Variants in ZSCAN9 observed in about 807,000 individuals in gnomAD.
The protein encoded by ZSCAN9 is zinc finger and SCAN domain-containing protein 9.
ZSCAN9 carries 19 observed loss-of-function variants against 23.0 expected under a neutral mutation model. The ratio of observed to expected loss-of-function variants is 0.83; its 90% CI spans 0.58 to 1.21. ZSCAN9 has a LOEUF of 1.21. Ranked by LOEUF, ZSCAN9 falls within the 50% of genes most tolerant of loss-of-function variation. ZSCAN9 has a pLI of 0.00. For missense variants in ZSCAN9, 467 were observed against 471.5 expected (o/e 0.99, Z 0.09); for synonymous variants, 155 against 164.8 (o/e 0.94, Z 0.46).
chr6:28,230,258 G>A, intron 3 of ZSCAN9: 4 of 1,296,300 alleles, frequency 3.1e-6, no homozygotes, highest in Non-Finnish European at 4.1e-6. Flanking sequence ...AGTCATGAAA[G>A]TTGTATAAAT....
intron 3 of ZSCAN9, chr6:28,230,411 T>C (rs1245736282): frequency 2.0e-6 from 3 of 1,536,132 alleles, no homozygotes; most frequent in Non-Finnish European, 1.7e-6. Context: ...GACACATTTT[T>C]ATTTTCCAAA....
Position 28,227,735 on chromosome 6 carries a change from G to T in ZSCAN9, c.466G>T (p.Val156Leu). ...ACAAGAAGTCCTCTGTAAAGAGATG[G>T]TGCCTCTAGCAGAGCAGACACCACT... ...HRQEVLCKEM[V>L]PLAEQTPLTL... Residue 156 changes from valine to leucine, a missense_variant, in exon 3 of 4, where the codon GTG becomes TTG. By Grantham distance (32) the Val-to-Leu change is conservative. Coordinates refer to ENST00000252207, the MANE Select transcript of ZSCAN9 (RefSeq NM_006299.5). 1 of 1,610,808 alleles carries T rather than the reference G, an allele frequency of 6.2e-7. No individual in the cohort carries two copies. The highest frequency in any genetic ancestry group is 8.5e-7 in the Non-Finnish European group (1 of 1,179,262).
rs761050462 is a variant in ZSCAN9 at position 28,227,443 on chromosome 6, G to A, written c.359G>A (p.Gly120Glu). 1.9e-6 allele frequency: 3 copies of A among 1,613,652 alleles called. No individual in the cohort carries two copies. The highest frequency in any genetic ancestry group is 2.2e-5 in the South Asian group (2 of 91,012). Residue 120 changes from glycine to glutamate, a missense_variant, in exon 2 of 4, where the codon GGA (glycine) becomes GAA (glutamate). Physicochemically the swap from Gly to Glu is moderately conservative, Grantham distance 98. Transcript: ENST00000252207. ...GTGAGGGAACACTGTCCAGAGAGTG[G>A]AGAAGAGGCTGTGATTTTGCTGGAG... ...GWVREHCPES[G>E]EEAVILLEDL...
rs1760149706 is a variant in ZSCAN9 at position 28,227,420 on chromosome 6, G to T, written c.336G>T (p.Val112=). 2 of 1,614,216 alleles carry T rather than the reference G, an allele frequency of 1.2e-6. No individual in the cohort carries two copies. Among genetic ancestry groups the T allele is most frequent in the African/African-American group, 2.7e-5 (2 of 75,066 alleles). The change falls in exon 2 of 4, where the codon GTG becomes GTT. Residue 112 remains valine (V), a synonymous_variant. Transcript: ENST00000252207. ...SILPKELQGW[V]REHCPESGEE... is the part of the protein sequence containing the mutation. ...TGCCCAAGGAGCTCCAGGGCTGGGT[G>T]AGGGAACACTGTCCAGAGAGTGGAG...
At chr6:28,232,460 C>G (rs1760339026) in intron 3 of ZSCAN9, 102 bp from the exon 4 acceptor site, 1 of 1,504,228 alleles carries the variant, frequency 6.6e-7, no homozygotes. Context: ...CCTTCTGTTT[C>G]TAGCCCACTT....
Position 28,232,794 on chromosome 6 carries a change from A to C in ZSCAN9, c.801A>C (p.Ser267=). The stretch of plus-strand genomic sequence containing the variant: ...GTGGGAAGAGCTTTACTCAGAGCTC[A>C]GGTCTCATTCGACATCAAAGAATTC... ...DECGKSFTQS[S]GLIRHQRIHT... is the part of the protein sequence containing the mutation. Residue 267 remains serine, a synonymous_variant, in exon 4 of 4, where the codon TCA becomes TCC. Coordinates refer to ENST00000252207, the MANE Select transcript of ZSCAN9 (RefSeq NM_006299.5). 6.2e-7 allele frequency: 1 copy of C among 1,614,194 alleles called. No homozygotes were observed. Among genetic ancestry groups the C allele is most frequent in the Non-Finnish European group, 8.5e-7 (1 of 1,179,996 alleles).
intron 3 of ZSCAN9, among the ~76,000 whole-genome samples, chr6:28,229,469 A>T (rs1760220169): frequency 6.6e-6 from 1 of 152,144 alleles, no homozygotes; most frequent in Non-Finnish European, 1.5e-5. Flanking sequence ...AGTGTTTATT[A>T]AGCATCTACT....
Position 28,227,429 on chromosome 6 carries a change from C to T in ZSCAN9, c.345C>T (p.His115=). 6.2e-7 allele frequency: 1 copy of T among 1,614,136 alleles called. No homozygotes were observed. Among genetic ancestry groups the T allele is most frequent in the Non-Finnish European group, 8.5e-7 (1 of 1,179,996 alleles). Residue 115 remains histidine (H), a synonymous_variant, in exon 2 of 4, where the codon CAC becomes CAT. Coordinates refer to ENST00000252207, the MANE Select transcript of ZSCAN9 (RefSeq NM_006299.5). The part of the protein sequence containing the change: ...PKELQGWVRE[H]CPESGEEAVI... ...AGCTCCAGGGCTGGGTGAGGGAACA[C>T]TGTCCAGAGAGTGGAGAAGAGGCTG...
At chr6:28,231,387 G>A (rs1021493483) in intron 3 of ZSCAN9, among the ~76,000 whole-genome samples, 2 of 152,144 alleles carry the variant, frequency 1.3e-5, no homozygotes, top group Non-Finnish European at 1.5e-5. Context: ...CATGTCCTGG[G>A]TGAGACAGAG....
chr6:28,226,700 G>T (rs1760124200), intron 1 of ZSCAN9, among the ~76,000 whole-genome samples: 2 of 152,086 alleles, frequency 1.3e-5, no homozygotes, highest in African/African-American at 4.8e-5. Flanking sequence ...AGCCAAGGTG[G>T]GAGGATCACT....
In ZSCAN9 at chr6:28,229,911, G is replaced by A. The variant is rs536424819; in HGVS notation, c.568+2074G>A. 1.3e-3 allele frequency among the ~76,000 whole-genome samples: 188 copies of A among 148,490 alleles called. 1 individual carries two copies. Among genetic ancestry groups the A allele is most frequent in the African/African-American group, 4.4e-3 (175 of 40,110 alleles). ...CTCGCTCTGTCGCCCAGGCTGGAAT[G>A]CAGTGGCACGATCTCGGCTCACTGC... On this transcript the variant is annotated intron_variant, in intron 3 of 3. Transcript: ENST00000252207.
chr6:28,227,628 G>A (rs1480793865), intron 2 of ZSCAN9, 62 bp from the exon 3 acceptor site: 1 of 1,578,618 alleles, frequency 6.3e-7, no homozygotes, highest in East Asian at 2.2e-5. Context: ...CTTCTTTCTT[G>A]GAAGTGTTTA....
chr6:28,228,081 A>C (rs1760180260), intron 3 of ZSCAN9: 1 of 691,780 alleles, frequency 1.4e-6, no homozygotes, highest in Non-Finnish European at 2.6e-6. Context: ...GAAGGCTTTC[A>C]GGGATCGCTG....
intron 3 of ZSCAN9, among the ~76,000 whole-genome samples, chr6:28,230,118 A>G (rs1297526066): frequency 6.6e-6 from 1 of 152,176 alleles, no homozygotes; most frequent in Non-Finnish European, 1.5e-5. Context: ...CGGCCTCCCG[A>G]AGTGCTGGGA....
Position 28,227,036 on chromosome 6 carries a change from G to C in ZSCAN9, c.-49G>C. 4 of 1,555,852 alleles carry C rather than the reference G, an allele frequency of 2.6e-6. No homozygotes were observed. Among genetic ancestry groups the C allele is most frequent in the Non-Finnish European group, 3.5e-6 (4 of 1,151,158 alleles). The stretch of plus-strand genomic sequence containing the variant: ...GGCAAGCGCCTCCAAGGTTTGTCTT[G>C]AAGCATAGCTCCAGCTGGAGGGTAC... On this transcript the variant is annotated 5_prime_UTR_variant, in exon 2 of 4. Transcript: ENST00000252207.
chr6:28,232,201 C>T (rs566769895), intron 3 of ZSCAN9, among the ~76,000 whole-genome samples: 3 of 151,926 alleles, frequency 2.0e-5, no homozygotes, highest in Non-Finnish European at 2.9e-5. Context: ...CGTGGGGGTG[C>T]GTGCCTGTAG....
At position 28,233,096 on chromosome 6, in the gene ZSCAN9, G is replaced by T. The variant is rs918404377; in HGVS notation, c.1103G>T (p.Cys368Phe). 7 of 1,614,144 alleles carry T rather than the reference G, an allele frequency of 4.3e-6. No individual in the cohort carries two copies. Among genetic ancestry groups the T allele is most frequent in the Non-Finnish European group, 5.9e-6 (7 of 1,180,018 alleles). ...CACACAGGGGAGCGACCTCACCAGT[G>T]CATTGAATGTGGGAAAAGCTTTAAT... ...RSHTGERPHQ[C>F]IECGKSFNRH... The change falls in exon 4 of 4, where the codon TGC becomes TTC. Residue 368 changes from cysteine to phenylalanine, a missense_variant. Transcript: ENST00000252207.
In ZSCAN9 at chr6:28,232,954, C is replaced by T. The variant is rs1465857545; in HGVS notation, c.961C>T (p.Gln321Ter). The stretch of plus-strand genomic sequence containing the variant: ...CAAGGAGTGTGGGAAGGTCTTCAGT[C>T]AGAGTGCGGGTCTTATCCAGCATCA... ...HCKECGKVFS[Q>*]SAGLIQHQRI... The change falls in exon 4 of 4, where the codon CAG becomes TAG. Residue 321 changes from glutamine (Q) to a stop codon, truncating the protein, a stop_gained. Coordinates refer to ENST00000252207, the MANE Select transcript of ZSCAN9 (RefSeq NM_006299.5). LOFTEE classifies it low-confidence loss of function (END_TRUNC). 8.1e-6 allele frequency: 13 copies of T among 1,614,164 alleles called. No homozygotes were observed. Among genetic ancestry groups the T allele is most frequent in the East Asian group, 4.5e-5 (2 of 44,894 alleles).
In ZSCAN9 at chr6:28,233,052, C is replaced by T. The variant is rs371495966; in HGVS notation, c.1059C>T (p.Leu353=). 4 of 1,614,022 alleles carry T rather than the reference C, an allele frequency of 2.5e-6. No individual in the cohort carries two copies. Among genetic ancestry groups the T allele is most frequent in the African/African-American group, 1.3e-5 (1 of 74,900 alleles). The change falls in exon 4 of 4, where the codon CTC becomes CTT. Residue 353 remains leucine, a synonymous_variant. Transcript: ENST00000252207. ...CSKSYSRRSF[L]IEHQRSHTGE... ...AGAGCTACAGTCGGCGTTCATTTCT[C>T]ATTGAACATCAGAGAAGCCACACAG...
Sources: gnomAD v4.1 joint callset for allele counts (sites outside exome capture counted in the v4.1 genomes callset) on GRCh38, gnomAD v4.1.1 for gene constraint, MANE v1.5 for transcripts, NCBI Gene and HGNC (gene_info 2026-07-23, HGNC 2026-07-21) for gene names.